CARMIL1: variants seen among roughly 807,000 people sequenced by gnomAD.
CARMIL1 encodes capping protein regulator and myosin 1 linker 1, also known as F-actin-uncapping protein LRRC16A.
Under a neutral mutation model 177.1 loss-of-function variants are expected in CARMIL1, and 90 were observed. The ratio of observed to expected loss-of-function variants is 0.51; its 90% CI spans 0.43 to 0.61. The LOEUF is 0.61. Among genes scored for constraint, CARMIL1 ranks in the 20% least tolerant of loss-of-function variants. The pLI, the probability that CARMIL1 is intolerant of heterozygous loss-of-function variation, is 0.00. For synonymous variants in CARMIL1, 577 were observed against 606.2 expected (o/e 0.95, Z 0.71); for missense variants, 1,380 against 1,667.0 (o/e 0.83, Z 3.00).
rs754280097 is a variant in CARMIL1 at position 25,610,077 on chromosome 6, C to T, written c.3875C>T (p.Pro1292Leu). Residue 1292 changes from proline (P) to leucine (L), a missense_variant, in exon 36 of 37, where the codon CCG becomes CTG. Transcript: ENST00000329474. ...GACATTCCAGACTCTCCATCTAGCC[C>T]GAAAGTTGCCCTTCTTCCACCTGTC... ...PDDIPDSPSS[P>L]KVALLPPVLK... is the part of the protein sequence containing the mutation. The T allele has an allele frequency of 8.1e-6, 13 of 1,613,662 alleles. No homozygotes were observed. The highest frequency in any genetic ancestry group is 4.5e-5 in the East Asian group (2 of 44,870).
At chr6:25,290,504 T>C (rs982415965) in intron 2 of CARMIL1, among the ~76,000 whole-genome samples, 20 of 151,156 alleles carry the variant, frequency 1.3e-4, no homozygotes, top group Admixed American at 6.6e-4. Flanking sequence ...GTGGCACTCC[T>C]CTCTCCAGGA....
intron 29 of CARMIL1, among the ~76,000 whole-genome samples, chr6:25,568,441 C>T (rs1362154991): frequency 3.3e-5 from 5 of 152,082 alleles, no homozygotes; most frequent in African/African-American, 4.8e-5. Context: ...AAGGGTGGAG[C>T]CTTAACCTGG....
intron 35 of CARMIL1, 73 bp from the exon 36 acceptor site, chr6:25,609,977 A>G: frequency 7.1e-7 from 1 of 1,404,740 alleles, no homozygotes; most frequent in Admixed American, 2.5e-5. Flanking sequence ...TTTTATATAT[A>G]GATTTACCAG....
In CARMIL1 at chr6:25,434,587, G is replaced by C. The variant is rs138718530; in HGVS notation, c.250-896G>C. ...TCATCAGGCTGGAGTGCAGTGGCACGATCTCGGCTCCCTGCAACCTCCGCC... is the reference window on the plus strand; with the variant it reads ...TCATCAGGCTGGAGTGCAGTGGCACCATCTCGGCTCCCTGCAACCTCCGCC... On this transcript the variant is annotated intron_variant, in intron 4 of 36. Transcript: ENST00000329474. 4.4e-3 allele frequency among the ~76,000 whole-genome samples: 616 copies of C among 141,520 alleles called. 4 individuals carry two copies. The highest frequency in any genetic ancestry group is 0.015 in the African/African-American group (575 of 37,718). The allele number at this position is 141,520 out of a possible 152,430, so 92.8% of individuals were successfully genotyped here.
At chr6:25,607,617 A>G (rs544082998) in intron 35 of CARMIL1, among the ~76,000 whole-genome samples, 27 of 152,320 alleles carry the variant, frequency 1.8e-4, no homozygotes, top group Admixed American at 1.6e-3. Flanking sequence ...ATTGTAAAGT[A>G]GGATGCACAG....
At chr6:25,312,550 A>G (rs147738684) in intron 2 of CARMIL1, among the ~76,000 whole-genome samples, 3,599 of 152,276 alleles carry the variant, frequency 0.024, 59 homozygotes, top group Non-Finnish European at 0.038. Context: ...TTTAATTCCT[A>G]ACTCATTTTT....
intron 12 of CARMIL1, among the ~76,000 whole-genome samples, chr6:25,483,912 C>T (rs1485367311): frequency 6.6e-6 from 1 of 152,032 alleles, no homozygotes. Flanking sequence ...GGACCACAAG[C>T]GTGCACTACC....
At chr6:25,556,906 T>TG in intron 29 of CARMIL1, 56 bp downstream of exon 29, 1 of 1,336,854 alleles carries the variant, frequency 7.5e-7, no homozygotes, top group Admixed American at 2.4e-5. Context: ...GTGCCATTGT[T>TG]TTTTTTTTTT....
intron 2 of CARMIL1, among the ~76,000 whole-genome samples, chr6:25,293,559 C>G (rs1181296666): frequency 6.6e-6 from 1 of 150,388 alleles, no homozygotes; most frequent in Non-Finnish European, 1.5e-5. Context: ...TTTTTTTTTT[C>G]CTAGAGATGG....
At position 25,279,610 on chromosome 6, in the gene CARMIL1, T is replaced by C; in HGVS notation, c.-186T>C. On this transcript the variant is annotated 5_prime_UTR_variant, in exon 1 of 37. Coordinates refer to ENST00000329474, the MANE Select transcript of CARMIL1 (RefSeq NM_017640.6). ...AGCAAATCCGCCTCGCATTTGCAAC[T>C]CTTTTTTTTTTTTTTGGTGGGGCGG... The C allele has an allele frequency of 1.8e-6, 1 of 547,816 alleles. No homozygotes were observed. The highest frequency in any genetic ancestry group is 2.5e-5 in the African/African-American group (1 of 40,738). 33.9% of individuals were successfully genotyped at this position (547,816 alleles called of 1,614,324 possible). A position where few individuals can be genotyped will look rare whatever the true frequency, so the allele number is the denominator to read the frequency against.
rs576747175 is a variant in CARMIL1, at chr6:25,316,488, C to T, written c.138+31579C>T. On this transcript the variant is annotated intron_variant, in intron 2 of 36. Transcript: ENST00000329474. Reference sequence around the variant, plus strand: ...AGGCTGGAGTGTGATCTCCACTCACCGCAACCTCCATCTCGCGGGTTCAAG... The same window carrying T: ...AGGCTGGAGTGTGATCTCCACTCACTGCAACCTCCATCTCGCGGGTTCAAG... 1.8e-4 allele frequency among the ~76,000 whole-genome samples: 28 copies of T among 151,804 alleles called. No individual in the cohort carries two copies. In the East Asian group the frequency reaches 3.3e-3, roughly 18 times the overall value.
chr6:25,408,407 G>A (rs1794602423), intron 2 of CARMIL1, among the ~76,000 whole-genome samples: 1 of 151,732 alleles, frequency 6.6e-6, no homozygotes, highest in Admixed American at 6.6e-5. Flanking sequence ...ATATGACAGA[G>A]TGAACAAGAA....
At chr6:25,501,072 A>G (rs1039229423) in intron 17 of CARMIL1, among the ~76,000 whole-genome samples, 3 of 152,056 alleles carry the variant, frequency 2.0e-5, no homozygotes, top group South Asian at 2.1e-4. Flanking sequence ...TAAACTGTCT[A>G]TGTTTTACAG....
chr6:25,426,548 C>G lies in CARMIL1; in HGVS notation c.237C>G (p.Ser79Arg). Residue 79 changes from serine to arginine, a missense_variant, in exon 4 of 37, where the codon AGC becomes AGG. Coordinates refer to ENST00000329474, the MANE Select transcript of CARMIL1 (RefSeq NM_017640.6). The part of the protein sequence containing the change: ...SYLEIHGVVC[S>R]KSAQMIVETE... Reference sequence around the variant, plus strand: ...TGGAGATTCATGGCGTCGTTTGCAGCAAGTCAGCTCAGGTGAGTGTGAAAA... The same window carrying G: ...TGGAGATTCATGGCGTCGTTTGCAGGAAGTCAGCTCAGGTGAGTGTGAAAA... 6 of 1,612,078 alleles carry G rather than the reference C, an allele frequency of 3.7e-6. No homozygotes were observed. Among genetic ancestry groups the G allele is most frequent in the Non-Finnish European group, 5.1e-6 (6 of 1,178,790 alleles).
intron 29 of CARMIL1, among the ~76,000 whole-genome samples, chr6:25,562,532 CCACCG>C (rs1422517479): frequency 6.6e-6 from 1 of 152,196 alleles, no homozygotes. Flanking sequence ...CAGGCATGAG[CCACCG>C]CACCCGGCCA....
intron 6 of CARMIL1, 120 bp from the exon 7 acceptor site, chr6:25,450,218 TC>T (rs1296655383): frequency 6.4e-6 from 5 of 779,162 alleles, no homozygotes; most frequent in African/African-American, 1.7e-5. Context: ...TTTGCTGTTT[TC>T]CCCCCTAAAA....
chr6:25,434,311 C>T (rs1223058463), intron 4 of CARMIL1, among the ~76,000 whole-genome samples: 6 of 152,022 alleles, frequency 3.9e-5, no homozygotes, highest in African/African-American at 4.8e-5. Context: ...CTTTTGTGAC[C>T]GACCTGTCCT....
chr6:25,426,632 G>A lies in CARMIL1; in HGVS notation c.249+72G>A, dbSNP rs529710899. On this transcript the variant is annotated intron_variant, in intron 4 of 36. Transcript: ENST00000329474. ...TTCTTGAAACCCTAAAATGTTCCTT[G>A]AGACAATGTGGATAAACAAGGTTAG... 1.0e-4 allele frequency: 141 copies of A among 1,365,948 alleles called. No individual in the cohort carries two copies. The Admixed American group carries it at 1.1e-3, about 10-fold the overall frequency. 84.6% of individuals were successfully genotyped at this position (1,365,948 alleles called of 1,614,324 possible). A position where few individuals can be genotyped will look rare whatever the true frequency, so the allele number is the denominator to read the frequency against.
chr6:25,611,166 A>G (rs1194997885), intron 36 of CARMIL1, among the ~76,000 whole-genome samples: 1 of 152,166 alleles, frequency 6.6e-6, no homozygotes, highest in Non-Finnish European at 1.5e-5. Context: ...TAAAAACAAT[A>G]ACACTGCCTG....
Sources: gnomAD v4.1 joint callset for allele counts (sites outside exome capture counted in the v4.1 genomes callset) on GRCh38, gnomAD v4.1.1 for gene constraint, MANE v1.5 for transcripts, NCBI Gene and HGNC (gene_info 2026-07-23, HGNC 2026-07-21) for gene names.